Variants in NCOA4 observed in about 807,000 individuals in gnomAD.
NCOA4 encodes the protein 70 kDa AR-activator.
Under a neutral mutation model 69.5 loss-of-function variants are expected in NCOA4, and 31 were observed. That is an observed-to-expected ratio of 0.45 (90% CI 0.34 to 0.60). The LOEUF is 0.60. NCOA4 is among the 20% of genes least tolerant of loss of function. The pLI is 0.02. For synonymous variants in NCOA4, 228 were observed against 252.4 expected, an observed-to-expected ratio of 0.90 and a Z score of 0.92; for missense variants, 600 against 719.2, an observed-to-expected ratio of 0.83 and a Z score of 1.90.
At position 46,006,222 on chromosome 10, in the gene NCOA4, G is replaced by C. The variant is rs1176581908; in HGVS notation, c.*370C>G. ...ACGTTAGGGAAGTTTACTAGCTTTAGAATACATCAATATACTTCGATAAAC... is the reference window on the plus strand; with the variant it reads ...ACGTTAGGGAAGTTTACTAGCTTTACAATACATCAATATACTTCGATAAAC... On this transcript the variant is annotated 3_prime_UTR_variant, in exon 10 of 10. Coordinates refer to ENST00000581486, the MANE Select transcript of NCOA4 (RefSeq NM_001145263.2). 1.1e-5 allele frequency: 3 copies of C among 281,366 alleles called. No homozygotes were observed. Among genetic ancestry groups the C allele is most frequent in the African/African-American group, 2.1e-5 (1 of 47,360 alleles). 17.4% of individuals were successfully genotyped at this position (281,366 alleles called of 1,614,324 possible).
In NCOA4 at chr10:46,018,056, A is replaced by G. The variant is rs574157372; in HGVS notation, c.-14-1362T>C. 9.4e-4 allele frequency among the ~76,000 whole-genome samples: 143 copies of G among 152,354 alleles called. 2 individuals are homozygous for G. Among genetic ancestry groups the G allele is most frequent in the African/African-American group, 3.3e-3 (136 of 41,580 alleles). On this transcript the variant is annotated intron_variant, in intron 1 of 9. Coordinates refer to ENST00000581486, the MANE Select transcript of NCOA4 (RefSeq NM_001145263.2). ...TATGTTATCACTGTGGAAAAAGTGA[A>G]TATTAGCTAAAGAGAAGCACAATTA...
At chr10:46,006,645 A>T (rs782599669) in intron 9 of NCOA4, 48 bp from the exon 10 acceptor site, 3 of 1,605,274 alleles carry the variant, frequency 1.9e-6, no homozygotes, top group Non-Finnish European at 2.6e-6. Context: ...TGAAGAATAA[A>T]AGCAAATTTT....
chr10:46,012,070 G>GAAAAAAAAGAAAAAAA (rs1839248728), intron 7 of NCOA4, among the ~76,000 whole-genome samples: 1 of 44,524 alleles, frequency 2.2e-5, no homozygotes, highest in African/African-American at 7.7e-5. Flanking sequence ...CAAAAAGAAA[G>GAAAAAAAAGAAAAAAA]AAAAAAAAAA....
chr10:46,009,590 A>G (rs781971287), intron 8 of NCOA4, 39 bp from the exon 9 acceptor site: 14 of 1,576,028 alleles, frequency 8.9e-6, no homozygotes, highest in African/African-American at 4.1e-5. Flanking sequence ...TCATGAAAAC[A>G]AGGAGGCATG....
chr10:46,014,023 A>C (rs1280326889), intron 5 of NCOA4, among the ~76,000 whole-genome samples: 1 of 152,014 alleles, frequency 6.6e-6, no homozygotes, highest in African/African-American at 2.4e-5. Context: ...ACTTAATCAG[A>C]ATATGAATTT....
In NCOA4 at chr10:46,005,466, G is replaced by T. The variant is rs1838758233; in HGVS notation, c.*1126C>A. The stretch of plus-strand genomic sequence containing the variant: ...AGAAGCTTAATAGTTTCAAAGTCTG[G>T]AAAGCAGCAAAGATATCTTAGAGAA... On this transcript the variant is annotated 3_prime_UTR_variant, in exon 10 of 10. Coordinates refer to ENST00000581486, the MANE Select transcript of NCOA4 (RefSeq NM_001145263.2). 1 of 220,484 alleles carries T rather than the reference G, an allele frequency of 4.5e-6. No homozygotes were observed. The highest frequency in any genetic ancestry group is 9.1e-6 in the Non-Finnish European group (1 of 109,758). The allele number at this position is 220,484 out of a possible 1,614,324, so 13.7% of individuals were successfully genotyped here.
At chr10:46,025,611 CA>C (rs782016127) in intron 1 of NCOA4, among the ~76,000 whole-genome samples, 11 of 152,204 alleles carry the variant, frequency 7.2e-5, no homozygotes, top group Non-Finnish European at 1.2e-4. Flanking sequence ...TTGGCTATGC[CA>C]GTTCTGTCAG....
In NCOA4 at chr10:46,020,005, A is replaced by G. The variant is rs564468109; in HGVS notation, c.-14-3311T>C. Among the ~76,000 whole-genome samples, 5 of 152,262 alleles carry G rather than the reference A, an allele frequency of 3.3e-5. 1 individual carries two copies. Among genetic ancestry groups the G allele is most frequent in the Admixed American group, 2.6e-4 (4 of 15,298 alleles). On this transcript the variant is annotated intron_variant, in intron 1 of 9. Transcript: ENST00000581486. ...TTCAGAGCCCAGATGCCAAGAAAGG[A>G]GCTATGCAAAGGCTTGCCCTCTTGC...
Position 46,014,837 on chromosome 10 carries a change from G to C in NCOA4, c.371+17C>G. ...GTTCAAGAGTCAAAAGTTAAAATAC[G>C]CAAAAAGGGTCATTACCTCTCCAGG... On this transcript the variant is annotated intron_variant, in intron 4 of 9. Transcript: ENST00000581486. 6.3e-7 allele frequency: 1 copy of C among 1,598,628 alleles called. No individual in the cohort carries two copies. Among genetic ancestry groups the C allele is most frequent in the Non-Finnish European group, 8.5e-7 (1 of 1,170,476 alleles).
intron 4 of NCOA4, 86 bp from the exon 5 acceptor site, chr10:46,014,638 A>G: frequency 1.0e-6 from 1 of 971,994 alleles, no homozygotes; most frequent in Non-Finnish European, 1.6e-6. Flanking sequence ...ATTGTGAGTA[A>G]TTTTAAATGA....
At chr10:46,007,922 C>T (rs552437585) in intron 9 of NCOA4, among the ~76,000 whole-genome samples, 1 of 152,138 alleles carries the variant, frequency 6.6e-6, no homozygotes, top group Non-Finnish European at 1.5e-5. Flanking sequence ...TGCTTCAATC[C>T]TAGAGCCCTT....
intron 5 of NCOA4, 25 bp downstream of exon 5, chr10:46,014,419 C>G (rs1554922543): frequency 6.6e-7 from 1 of 1,506,666 alleles, no homozygotes; most frequent in Non-Finnish European, 9.2e-7. Flanking sequence ...GAGAAGTGCC[C>G]AGTGAAGCAT....
At chr10:46,014,786 A>G in intron 4 of NCOA4, 68 bp downstream of exon 4, 1 of 1,305,622 alleles carries the variant, frequency 7.7e-7, no homozygotes, top group Non-Finnish European at 1.1e-6. Context: ...TGAGTTACAA[A>G]ATCGACTTTC....
chr10:46,012,343 C>T (rs1402304545), intron 7 of NCOA4, among the ~76,000 whole-genome samples: 1 of 152,016 alleles, frequency 6.6e-6, no homozygotes, highest in East Asian at 1.9e-4. Flanking sequence ...TCTAGGAATG[C>T]AATTTCTATA....
intron 9 of NCOA4, among the ~76,000 whole-genome samples, chr10:46,007,378 T>C (rs1838892248): frequency 6.6e-6 from 1 of 152,118 alleles, no homozygotes; most frequent in Non-Finnish European, 1.5e-5. Flanking sequence ...ATAGCAAAAA[T>C]GCAAGGTGAA....
At position 46,011,182 on chromosome 10, in the gene NCOA4, A is replaced by T; in HGVS notation, c.739T>A (p.Phe247Ile). 6.3e-7 allele frequency: 1 copy of T among 1,595,956 alleles called. No individual in the cohort carries two copies. Among genetic ancestry groups the T allele is most frequent in the Non-Finnish European group, 8.5e-7 (1 of 1,174,272 alleles). ...TTTAGGTTTCCCCCGACATTATTGA[A>T]GAAATTGCAGGCTCTGGAAGAAGTC... is the stretch of plus-strand genomic sequence containing the variant. ...SQTSSRACNFFNNVGGNLKGL... is the reference protein window; with the variant it reads ...SQTSSRACNFINNVGGNLKGL... The change falls in exon 8 of 10, where the codon TTC becomes ATC. Residue 247 changes from phenylalanine to isoleucine, a missense_variant. Phe to Ile is a conservative substitution (Grantham distance 21). Coordinates refer to ENST00000581486, the MANE Select transcript of NCOA4 (RefSeq NM_001145263.2).
chr10:46,023,483 C>T, intron 1 of NCOA4: 1 of 985,580 alleles, frequency 1.0e-6, no homozygotes, highest in African/African-American at 1.7e-5. Context: ...CGAGCTGGAG[C>T]GCTCAAGCCA....
chr10:46,030,000 CA>C (rs1840370310), intron 1 of NCOA4, among the ~76,000 whole-genome samples: 1 of 152,196 alleles, frequency 6.6e-6, no homozygotes, highest in African/African-American at 2.4e-5. Context: ...ATGTGTTTGG[CA>C]CACAGAGGGC....
At chr10:46,011,566 C>T (rs527979349) in intron 7 of NCOA4, among the ~76,000 whole-genome samples, 1 of 151,950 alleles carries the variant, frequency 6.6e-6, no homozygotes, top group Non-Finnish European at 1.5e-5. Context: ...TGAGCCACCA[C>T]GCCCGGCCCT....
Sources: allele counts gnomAD v4.1 joint callset (sites outside exome capture counted in the v4.1 genomes callset), GRCh38; gene constraint gnomAD v4.1.1; transcripts MANE v1.5; gene names NCBI Gene and HGNC (gene_info 2026-07-23, HGNC 2026-07-21).